Variants in CSMD1 observed in about 807,000 individuals in gnomAD.
CSMD1 encodes the protein CUB and sushi domain-containing protein 1.
A neutral mutation model predicts 417.5 loss-of-function variants in CSMD1; 213 were observed. That is an observed-to-expected ratio of 0.51 (90% confidence interval 0.46 to 0.57). The LOEUF is 0.57. CSMD1 is among the 20% of genes least tolerant of loss of function. The probability of loss-of-function intolerance (pLI) is 0.00; values close to 1 mark genes in which losing one functional copy is unlikely to be tolerated. For missense variants in CSMD1, 6,923 were observed against 4,529.7 expected (o/e 1.53, Z -15.17); for synonymous variants, 2,862 against 1,736.8 (o/e 1.65, Z -16.11).
chr8:4,662,734 C>G (rs1273295949), intron 1 of CSMD1, among the ~76,000 whole-genome samples: 2 of 152,178 alleles, frequency 1.3e-5, no homozygotes, highest in African/African-American at 4.8e-5. Context: ...TCGTCACATA[C>G]ACCTCCTGCT....
At chr8:3,483,294 T>C (rs1309627740) in intron 11 of CSMD1, among the ~76,000 whole-genome samples, 1 of 151,938 alleles carries the variant, frequency 6.6e-6, no homozygotes, top group African/African-American at 2.4e-5. Flanking sequence ...AGAAATAAAA[T>C]AGAGGCTATT....
At chr8:4,749,312 T>C (rs192914651) in intron 1 of CSMD1, among the ~76,000 whole-genome samples, 143 of 152,354 alleles carry the variant, frequency 9.4e-4, no homozygotes, top group African/African-American at 3.2e-3. Context: ...TAGTTTGACA[T>C]TGGAGTATCA....
chr8:4,976,412 A>G (rs1237444973), intron 1 of CSMD1, among the ~76,000 whole-genome samples: 1 of 152,236 alleles, frequency 6.6e-6, no homozygotes, highest in Non-Finnish European at 1.5e-5. Context: ...CATTTTAATG[A>G]AATATAAAGA....
At chr8:3,834,040 C>T (rs990808554) in intron 5 of CSMD1, among the ~76,000 whole-genome samples, 1 of 152,132 alleles carries the variant, frequency 6.6e-6, no homozygotes. Context: ...GACACGGTCA[C>T]TAATGTAAAG....
intron 5 of CSMD1, among the ~76,000 whole-genome samples, chr8:3,972,999 T>G (rs1306219114): frequency 1.3e-5 from 2 of 152,230 alleles, no homozygotes; most frequent in Admixed American, 1.3e-4. Context: ...CTGCTTAAAT[T>G]TTACATTTAT....
chr8:4,087,131 G>A (rs940135340), intron 3 of CSMD1, among the ~76,000 whole-genome samples: 1 of 152,186 alleles, frequency 6.6e-6, no homozygotes, highest in Non-Finnish European at 1.5e-5. Flanking sequence ...TGGGTGATGG[G>A]AGGTTGCGGA....
intron 26 of CSMD1, among the ~76,000 whole-genome samples, chr8:3,272,982 G>C (rs1801981530): frequency 6.6e-6 from 1 of 150,794 alleles, no homozygotes; most frequent in Admixed American, 6.6e-5. Flanking sequence ...AATAGGAGTG[G>C]TGAGAGAGGG....
intron 3 of CSMD1, among the ~76,000 whole-genome samples, chr8:4,243,676 T>G (rs570132269): frequency 6.6e-6 from 1 of 152,176 alleles, no homozygotes; most frequent in Non-Finnish European, 1.5e-5. Context: ...TGCAACTTAA[T>G]TTTTGATTAA....
intron 12 of CSMD1, among the ~76,000 whole-genome samples, chr8:3,417,598 T>G (rs1174378596): frequency 6.6e-6 from 1 of 152,162 alleles, no homozygotes; most frequent in East Asian, 1.9e-4. Context: ...ATGCGGGAAG[T>G]GTTAATGAAC....
At chr8:3,821,552 G>T (rs1194394606) in intron 5 of CSMD1, among the ~76,000 whole-genome samples, 2 of 152,168 alleles carry the variant, frequency 1.3e-5, no homozygotes, top group African/African-American at 4.8e-5. Context: ...AAAGGCCGAG[G>T]AGGGCGGATC....
At chr8:3,226,312 G>C (rs1798499914) in intron 27 of CSMD1, among the ~76,000 whole-genome samples, 1 of 152,180 alleles carries the variant, frequency 6.6e-6, no homozygotes, top group Non-Finnish European at 1.5e-5. Flanking sequence ...GCCGAACGTG[G>C]TGGCTCACGC....
chr8:4,850,914 A>T (rs12541042), intron 1 of CSMD1, among the ~76,000 whole-genome samples: 1 of 132,510 alleles, frequency 7.5e-6, no homozygotes, highest in Non-Finnish European at 1.6e-5. Flanking sequence ...TTGCCCCCCC[A>T]CTTTTTGTGG....
chr8:3,208,505 T>A (rs1284093570), intron 30 of CSMD1, among the ~76,000 whole-genome samples: 1 of 152,194 alleles, frequency 6.6e-6, no homozygotes, highest in East Asian at 1.9e-4. Flanking sequence ...GACCTCGTGA[T>A]CCACCTACCT....
chr8:3,223,638 A>C (rs1226092470), intron 28 of CSMD1, 91 bp downstream of exon 28: 1 of 1,330,010 alleles, frequency 7.5e-7, no homozygotes, highest in Non-Finnish European at 1.1e-6. Context: ...CCTAGATATA[A>C]CATTAGAGAC....
intron 10 of CSMD1, among the ~76,000 whole-genome samples, chr8:3,551,998 C>T (rs752085549): frequency 6.6e-6 from 1 of 152,104 alleles, no homozygotes; most frequent in African/African-American, 2.4e-5. Context: ...GTGGCAGAAA[C>T]AGGAACTCGA....
intron 17 of CSMD1, among the ~76,000 whole-genome samples, chr8:3,394,540 C>T (rs548668864): frequency 1.6e-4 from 25 of 152,032 alleles, no homozygotes; most frequent in African/African-American, 6.0e-4. Flanking sequence ...GAAAAGTGTT[C>T]TAATATTTGT....
In CSMD1 at chr8:4,469,233, G is replaced by T. The variant is rs114796069; in HGVS notation, c.303-49168C>A. 5.9e-3 allele frequency among the ~76,000 whole-genome samples: 894 copies of T among 152,200 alleles called. 5 individuals are homozygous for T. The highest frequency in any genetic ancestry group is 0.021 in the African/African-American group (860 of 41,466). On this transcript the variant is annotated intron_variant, in intron 2 of 69. Transcript: ENST00000635120. Reference sequence around the variant, plus strand: ...AAGGCCAAGACCTAAGGAAAGGAAAGCTCATAAAAGGAGCTCAGGGGTCAG... The same window carrying T: ...AAGGCCAAGACCTAAGGAAAGGAAATCTCATAAAAGGAGCTCAGGGGTCAG...
At chr8:3,472,471 C>A (rs74433753) in intron 11 of CSMD1, among the ~76,000 whole-genome samples, 5,136 of 152,142 alleles carry the variant, frequency 0.034, 285 homozygotes, top group East Asian at 0.18. Flanking sequence ...AAGTCTACTA[C>A]CAATCTGTCC....
At chr8:4,574,055 G>A (rs1799016780) in intron 2 of CSMD1, among the ~76,000 whole-genome samples, 1 of 152,134 alleles carries the variant, frequency 6.6e-6, no homozygotes, top group South Asian at 2.1e-4. Flanking sequence ...TTAGCTTGCT[G>A]GACTCCATGG....
Sources: gnomAD v4.1 joint callset for allele counts (sites outside exome capture counted in the v4.1 genomes callset) on GRCh38, gnomAD v4.1.1 for gene constraint, MANE v1.5 for transcripts, NCBI Gene and HGNC (gene_info 2026-07-23, HGNC 2026-07-21) for gene names.